The following ARHGAP15 variants were observed in gnomAD, a reference collection of about 807,000 sequenced individuals.
ARHGAP15 encodes the protein Rho GTPase activating protein 15, also known as rho GTPase-activating protein 15.
Under a neutral mutation model 63.7 loss-of-function variants are expected in ARHGAP15, and 51 were observed. That is an observed-to-expected ratio of 0.80 (90% confidence interval 0.64 to 1.01). The LOEUF is 1.01. Among genes scored for constraint, ARHGAP15 ranks in the 50% least tolerant of loss-of-function variants. The pLI is 0.00. For synonymous variants in ARHGAP15, 191 were observed against 193.8 expected (o/e 0.99, Z 0.12); for missense variants, 560 against 564.6 (o/e 0.99, Z 0.08).
chr2:143,208,873 G>T (rs185064770), intron 3 of ARHGAP15, among the ~76,000 whole-genome samples: 154 of 152,212 alleles, frequency 1.0e-3, no homozygotes, highest in Non-Finnish European at 1.5e-3. Flanking sequence ...GGAAAACCCT[G>T]CAGGAGTCAA....
At chr2:143,533,917 C>G (rs180715663) in intron 10 of ARHGAP15, among the ~76,000 whole-genome samples, 1 of 152,296 alleles carries the variant, frequency 6.6e-6, no homozygotes, top group East Asian at 1.9e-4. Context: ...GCATTACCAG[C>G]TGAGGCCAAT....
intron 2 of ARHGAP15, among the ~76,000 whole-genome samples, chr2:143,176,088 C>T (rs984994322): frequency 2.6e-5 from 4 of 152,058 alleles, no homozygotes; most frequent in African/African-American, 9.7e-5. Context: ...GTTACTATAT[C>T]TTCAAAGATT....
intron 11 of ARHGAP15, among the ~76,000 whole-genome samples, chr2:143,565,708 GT>G (rs928674140): frequency 1.3e-5 from 2 of 152,116 alleles, no homozygotes; most frequent in African/African-American, 4.8e-5. Context: ...ATAACTTACT[GT>G]CCCTCAACAT....
intron 8 of ARHGAP15, among the ~76,000 whole-genome samples, chr2:143,477,758 T>A (rs977650567): frequency 2.0e-5 from 3 of 152,088 alleles, no homozygotes; most frequent in African/African-American, 7.2e-5. Flanking sequence ...GCATTAGCAA[T>A]TGGAAGGAAG....
At chr2:143,669,759 A>C (rs1035488973) in intron 12 of ARHGAP15, among the ~76,000 whole-genome samples, 1 of 152,198 alleles carries the variant, frequency 6.6e-6, no homozygotes, top group African/African-American at 2.4e-5. Context: ...TAATCCAGCA[A>C]AACACTTGCC....
chr2:143,427,253 G>A (rs1237033452), intron 6 of ARHGAP15, among the ~76,000 whole-genome samples: 1 of 151,990 alleles, frequency 6.6e-6, no homozygotes, highest in African/African-American at 2.4e-5. Flanking sequence ...GGAGACTAGT[G>A]GCAACAATAC....
At chr2:143,184,619 T>C (rs190339051) in intron 2 of ARHGAP15, among the ~76,000 whole-genome samples, 82 of 151,902 alleles carry the variant, frequency 5.4e-4, no homozygotes, top group African/African-American at 1.9e-3. Flanking sequence ...TCAAATGACA[T>C]TTTGGAGGTA....
intron 3 of ARHGAP15, among the ~76,000 whole-genome samples, chr2:143,206,273 G>A (rs931529936): frequency 5.3e-5 from 8 of 151,898 alleles, no homozygotes; most frequent in Non-Finnish European, 8.8e-5. Flanking sequence ...TTATTATATC[G>A]TACTTCTACT....
chr2:143,723,586 G>A (rs2105468595), intron 13 of ARHGAP15, among the ~76,000 whole-genome samples: 1 of 152,306 alleles, frequency 6.6e-6, no homozygotes, highest in East Asian at 1.9e-4. Flanking sequence ...AAAGAGAGTG[G>A]TGGTGCCACT....
intron 11 of ARHGAP15, among the ~76,000 whole-genome samples, chr2:143,616,166 G>A (rs188350847): frequency 3.9e-4 from 60 of 152,086 alleles, no homozygotes; most frequent in African/African-American, 1.4e-3. Context: ...ATTTTATAAG[G>A]TAGCATTATG....
intron 2 of ARHGAP15, among the ~76,000 whole-genome samples, chr2:143,184,255 T>C (rs141725890): frequency 6.6e-6 from 1 of 152,224 alleles, no homozygotes; most frequent in Non-Finnish European, 1.5e-5. Flanking sequence ...CTGTATAATA[T>C]GACCTCAACA....
At chr2:143,665,748 A>C (rs1348654874) in intron 12 of ARHGAP15, among the ~76,000 whole-genome samples, 14 of 151,564 alleles carry the variant, frequency 9.2e-5, no homozygotes, top group African/African-American at 3.2e-4. Flanking sequence ...ATGTACAAAA[A>C]TCACAGGCAT....
At chr2:143,470,960 CAT>C (rs146929614) in intron 8 of ARHGAP15, among the ~76,000 whole-genome samples, 52 of 136,398 alleles carry the variant, frequency 3.8e-4, no homozygotes, top group South Asian at 2.8e-3. Flanking sequence ...ACATGTGTAT[CAT>C]ATGTGTGTAC....
At chr2:143,363,886 A>C (rs1165826679) in intron 6 of ARHGAP15, among the ~76,000 whole-genome samples, 1 of 152,196 alleles carries the variant, frequency 6.6e-6, no homozygotes, top group African/African-American at 2.4e-5. Context: ...TAATTGTCAG[A>C]TAAAGGAAAT....
chr2:143,510,787 C>T (rs1693549384), intron 9 of ARHGAP15, among the ~76,000 whole-genome samples: 1 of 152,186 alleles, frequency 6.6e-6, no homozygotes, highest in Non-Finnish European at 1.5e-5. Context: ...TTCTGCTTCG[C>T]TCTGTGTTCC....
chr2:143,350,402 A>G (rs1218668865), intron 6 of ARHGAP15, among the ~76,000 whole-genome samples: 1 of 152,182 alleles, frequency 6.6e-6, no homozygotes, highest in African/African-American at 2.4e-5. Flanking sequence ...TTTTAAAAGT[A>G]AGGCTAGTAT....
chr2:143,627,840 T>G (rs1698898140), intron 12 of ARHGAP15, among the ~76,000 whole-genome samples: 2 of 152,116 alleles, frequency 1.3e-5, no homozygotes, highest in South Asian at 4.1e-4. Context: ...TTTTCGACTT[T>G]TATTTTAGAT....
chr2:143,367,168 A>G (rs997689124), intron 6 of ARHGAP15, among the ~76,000 whole-genome samples: 12 of 152,042 alleles, frequency 7.9e-5, no homozygotes, highest in African/African-American at 2.9e-4. Flanking sequence ...TTCTTTGGGT[A>G]ATGTATGTCT....
At chr2:143,234,409 A>C (rs1182244332) in intron 5 of ARHGAP15, among the ~76,000 whole-genome samples, 4 of 152,132 alleles carry the variant, frequency 2.6e-5, no homozygotes, top group Non-Finnish European at 4.4e-5. Context: ...TGTTATTGAA[A>C]TATTATCATG....
Sources: allele counts gnomAD v4.1 joint callset (sites outside exome capture counted in the v4.1 genomes callset), GRCh38; gene constraint gnomAD v4.1.1; transcripts MANE v1.5; gene names NCBI Gene and HGNC (gene_info 2026-07-23, HGNC 2026-07-21).